The following CYP4Z1 variants were observed in gnomAD, a reference collection of about 807,000 sequenced individuals.
The protein encoded by CYP4Z1 is cytochrome P450 family 4 subfamily Z member 1.
CYP4Z1 carries 41 observed loss-of-function variants against 54.2 expected under a neutral mutation model. That is an observed-to-expected ratio of 0.76 (90% confidence interval 0.59 to 0.98). The LOEUF (loss-of-function observed/expected upper bound fraction) is 0.98. Among genes scored for constraint, CYP4Z1 ranks in the 50% least tolerant of loss-of-function variants. The pLI is 0.00. For missense variants in CYP4Z1, 513 were observed against 599.0 expected, an observed-to-expected ratio of 0.86 and a Z score of 1.50; for synonymous variants, 163 against 206.2, an observed-to-expected ratio of 0.79 and a Z score of 1.79.
intron 8 of CYP4Z1, among the ~76,000 whole-genome samples, chr1:47,101,293 G>A (rs956231453): frequency 5.3e-5 from 8 of 151,312 alleles, no homozygotes; most frequent in Non-Finnish European, 3.0e-5. Context: ...TACTAATTTG[G>A]GGTTTGGCTT....
rs140900465 is a variant in CYP4Z1, at chr1:47,105,100, G to A, written c.1068-1028G>A. On this transcript the variant is annotated intron_variant, in intron 8 of 11. Coordinates refer to ENST00000334194, the MANE Select transcript of CYP4Z1 (RefSeq NM_178134.3). ...GCCCTTGCAGCTACAGTTACAGGCA[G>A]TGGAATTTGTCCTCAGGGTGCATGA... 4.9e-3 allele frequency among the ~76,000 whole-genome samples: 740 copies of A among 152,308 alleles called. 8 individuals carry two copies. The highest frequency in any genetic ancestry group is 0.017 in the African/African-American group (692 of 41,562).
the CYP4Z1 span, among the ~76,000 whole-genome samples, chr1:47,062,068 A>G: frequency 6.4e-3 from 972 of 152,340 alleles, 9 homozygotes; most frequent in African/African-American, 0.021. Flanking sequence ...AACCCATATT[A>G]GCATCATAAT....
intron 9 of CYP4Z1, among the ~76,000 whole-genome samples, chr1:47,107,448 C>A (rs1644764574): frequency 6.6e-6 from 1 of 151,936 alleles, no homozygotes; most frequent in South Asian, 2.1e-4. Context: ...GAAGTTTCCT[C>A]TTTTTAATTC....
At chr1:47,079,274 C>G (rs1233087047) in intron 2 of CYP4Z1, among the ~76,000 whole-genome samples, 1 of 152,130 alleles carries the variant, frequency 6.6e-6, no homozygotes, top group African/African-American at 2.4e-5. Flanking sequence ...GCAATGCCAC[C>G]AATCTTTTCT....
At chr1:47,087,904 AG>A (rs1360597666) in intron 6 of CYP4Z1, among the ~76,000 whole-genome samples, 2 of 152,180 alleles carry the variant, frequency 1.3e-5, no homozygotes, top group Non-Finnish European at 2.9e-5. Context: ...TTTAGCATGA[AG>A]GGCTGTTGAA....
chr1:47,087,950 A>G (rs574817474), intron 6 of CYP4Z1, among the ~76,000 whole-genome samples: 4 of 152,158 alleles, frequency 2.6e-5, no homozygotes, highest in Non-Finnish European at 4.4e-5. Flanking sequence ...CTATTGGGAA[A>G]ATCATGTGGT....
At chr1:47,110,131 A>C (rs191830515) in intron 9 of CYP4Z1, among the ~76,000 whole-genome samples, 1 of 97,490 alleles carries the variant, frequency 1.0e-5, no homozygotes, top group Non-Finnish European at 2.0e-5. Context: ...AAAACAACAG[A>C]TTCCCTCAAT....
At chr1:47,112,148 G>A (rs1303715466) in intron 9 of CYP4Z1, among the ~76,000 whole-genome samples, 2 of 152,030 alleles carry the variant, frequency 1.3e-5, no homozygotes, top group Non-Finnish European at 2.9e-5. Flanking sequence ...AAAGCAGAAC[G>A]GTTGCAAAAC....
chr1:47,107,260 A>C (rs1008426697), intron 9 of CYP4Z1, among the ~76,000 whole-genome samples: 6 of 152,178 alleles, frequency 3.9e-5, no homozygotes, highest in Non-Finnish European at 7.3e-5. Context: ...ACAGGAACAA[A>C]AAGGTAAAAC....
At chr1:47,056,693 T>G in the CYP4Z1 span, among the ~76,000 whole-genome samples, 3 of 152,208 alleles carry the variant, frequency 2.0e-5, no homozygotes, top group Non-Finnish European at 4.4e-5. Context: ...TTTGTCTCTT[T>G]TGATTTTTGT....
chr1:47,099,718 C>G (rs1012239484), intron 8 of CYP4Z1, among the ~76,000 whole-genome samples: 4 of 152,146 alleles, frequency 2.6e-5, no homozygotes, highest in African/African-American at 7.2e-5. Context: ...TTATCACCAT[C>G]TCTGAACCTT....
the CYP4Z1 span, among the ~76,000 whole-genome samples, chr1:47,058,304 G>T: frequency 6.6e-6 from 1 of 151,674 alleles, no homozygotes; most frequent in Non-Finnish European, 1.5e-5. Context: ...TTTTAAAATG[G>T]TGTCCTTGCT....
chr1:47,083,708 C>T (rs1240848862), intron 4 of CYP4Z1, among the ~76,000 whole-genome samples: 1 of 152,144 alleles, frequency 6.6e-6, no homozygotes, highest in Non-Finnish European at 1.5e-5. Flanking sequence ...TGGAAGAGCA[C>T]ACCCTGAACT....
In CYP4Z1 at chr1:47,084,836, A is replaced by G; in HGVS notation, c.630A>G (p.Ser210=). ...GSIQLDSTLD[S]YLKAVFNLSK... is the part of the protein sequence containing the mutation. The stretch of plus-strand genomic sequence containing the variant: ...TTCCCTATTCCAGTACCCTGGACTC[A>G]TACCTGAAAGCAGTGTTCAACCTTA... The change falls in exon 6 of 12, where the codon TCA becomes TCG. Residue 210 remains serine (S), a synonymous_variant. Transcript: ENST00000334194. The G allele has an allele frequency of 1.3e-6, 2 of 1,520,500 alleles. No individual in the cohort carries two copies. Among genetic ancestry groups the G allele is most frequent in the East Asian group, 4.5e-5 (2 of 44,050 alleles). 94.2% of individuals were successfully genotyped at this position (1,520,500 alleles called of 1,614,324 possible).
intron 2 of CYP4Z1, among the ~76,000 whole-genome samples, chr1:47,079,417 G>C (rs1025372770): frequency 1.3e-5 from 2 of 152,146 alleles, no homozygotes; most frequent in East Asian, 3.9e-4. Flanking sequence ...GCTTTGGGAA[G>C]GGATGGCCCT....
At position 47,067,233 on chromosome 1, in the gene CYP4Z1, A is replaced by G. The variant is rs1569691833; in HGVS notation, c.-258A>G. On this transcript the variant is annotated 5_prime_UTR_variant, in exon 1 of 12. The change creates a new upstream start codon in the 5' untranslated region. Transcript: ENST00000334194. ...GACAGCAGTGCAGCAAAGCTTTCAT[A>G]TGGGTGTGAGCTGTCATGCACATGG... Among the ~76,000 whole-genome samples the G allele has an allele frequency of 6.6e-6, 1 of 152,316 alleles. No individual in the cohort carries two copies. Among genetic ancestry groups the G allele is most frequent in the East Asian group, 1.9e-4 (1 of 5,178 alleles).
At chr1:47,116,820 G>A in intron 11 of CYP4Z1, 88 bp downstream of exon 11, 1 of 935,038 alleles carries the variant, frequency 1.1e-6, no homozygotes, top group Non-Finnish European at 1.6e-6. Flanking sequence ...TCAGTTAGCT[G>A]ACACTGCTGT....
chr1:47,067,728 A>C (rs1237242990), intron 1 of CYP4Z1, 61 bp downstream of exon 1: 6 of 1,455,124 alleles, frequency 4.1e-6, no homozygotes, highest in African/African-American at 1.4e-5. Context: ...TTAAAAAAAA[A>C]CAGCACAGAC....
At chr1:47,077,197 T>G (rs533678432) in intron 2 of CYP4Z1, among the ~76,000 whole-genome samples, 1 of 152,240 alleles carries the variant, frequency 6.6e-6, no homozygotes, top group South Asian at 2.1e-4. Context: ...CCAATTATAA[T>G]TTTAGAACTG....
Sources: allele counts gnomAD v4.1 joint callset (sites outside exome capture counted in the v4.1 genomes callset), GRCh38; gene constraint gnomAD v4.1.1; transcripts MANE v1.5; gene names NCBI Gene and HGNC (gene_info 2026-07-23, HGNC 2026-07-21).